Variants in PGR observed in about 807,000 individuals in gnomAD.
The protein encoded by PGR is nuclear receptor subfamily 3 group C member 3.
Under a neutral mutation model 76.1 loss-of-function variants are expected in PGR, and 25 were observed. The ratio of observed to expected loss-of-function variants is 0.33; its 90% CI spans 0.24 to 0.46. PGR has a LOEUF of 0.46. Ranked by LOEUF, PGR falls within the 20% of genes least tolerant of loss-of-function variation. The pLI is 1.00. For missense variants in PGR, 1,172 were observed against 1,225.3 expected, an observed-to-expected ratio of 0.96 and a Z score of 0.65; for synonymous variants, 579 against 535.0, an observed-to-expected ratio of 1.08 and a Z score of -1.14.
Position 101,128,246 on chromosome 11 carries a change from G to A in PGR, c.825C>T (p.Phe275=), listed in dbSNP as rs761872690. ...VALVPKEDSR[F]SAPRVALVEQ... The stretch of plus-strand genomic sequence containing the variant: ...CCACCAGGGCGACCCTGGGCGCTGA[G>A]AAGCGGGAATCTTCCTTGGGGACCA... The change falls in exon 1 of 8, where the codon TTC becomes TTT. Residue 275 remains phenylalanine, a synonymous_variant. Transcript: ENST00000325455. 16 of 1,595,784 alleles carry A rather than the reference G, an allele frequency of 1.0e-5. No homozygotes were observed. In the South Asian group the frequency reaches 1.2e-4, roughly 12 times the overall value.
In PGR at chr11:101,032,849, C is replaced by T. The variant is rs1318999549; in HGVS notation, c.*6267G>A. The T allele has an allele frequency of 1.1e-5, 2 of 187,840 alleles. No individual in the cohort carries two copies. 11.6% of individuals were successfully genotyped at this position (187,840 alleles called of 1,614,324 possible). On this transcript the variant is annotated 3_prime_UTR_variant, in exon 8 of 8. Coordinates refer to ENST00000325455, the MANE Select transcript of PGR (RefSeq NM_000926.4). ...AGAAGACGGGAACACTGGTAATCTC[C>T]ACAATCTAGCAGAGTGACTGGCATA...
In PGR at chr11:101,127,634, G is replaced by A; in HGVS notation, c.1437C>T (p.Pro479=). 7.2e-7 allele frequency: 1 copy of A among 1,387,994 alleles called. No homozygotes were observed. Among genetic ancestry groups the A allele is most frequent in the East Asian group, 3.0e-5 (1 of 33,290 alleles). The allele number at this position is 1,387,994 out of a possible 1,614,324, so 86.0% of individuals were successfully genotyped here. ...AGCCGCTCGCGCCCGGCGCCTTGCA[G>A]GGCGGCGGCGCGAACGGGCCCTGCT... ...PPQQGPFAPP[P]CKAPGASGCL... is the part of the protein sequence containing the mutation. The change falls in exon 1 of 8, where the codon CCC becomes CCT. Residue 479 remains proline, a synonymous_variant. Transcript: ENST00000325455.
chr11:101,061,383 G>T (rs144320761), intron 4 of PGR, among the ~76,000 whole-genome samples: 14 of 152,090 alleles, frequency 9.2e-5, no homozygotes, highest in African/African-American at 3.4e-4. Context: ...TGTATTTTTT[G>T]AAAGATTCAA....
intron 3 of PGR, among the ~76,000 whole-genome samples, chr11:101,075,043 TG>T (rs1861074578): frequency 6.6e-6 from 1 of 152,174 alleles, no homozygotes; most frequent in Non-Finnish European, 1.5e-5. Flanking sequence ...AGAACAAAGC[TG>T]GAGGCATCAG....
intron 3 of PGR, chr11:101,063,787 A>C (rs1340083702): frequency 6.6e-6 from 1 of 152,228 alleles, no homozygotes; most frequent in African/African-American, 2.4e-5. Context: ...CAGAATTATG[A>C]GACCATCCGT....
chr11:101,128,223 A>T lies in PGR; in HGVS notation c.848T>A (p.Val283Glu). The part of the protein sequence containing the change: ...SRFSAPRVAL[V>E]EQDAPMAPGR... The stretch of plus-strand genomic sequence containing the variant: ...GGGCGCCATCGGCGCGTCCTGCTCC[A>T]CCAGGGCGACCCTGGGCGCTGAGAA... The change falls in exon 1 of 8, where the codon GTG becomes GAG. Residue 283 changes from valine (V) to glutamate (E), a missense_variant. By Grantham distance (121) the Val-to-Glu change is moderately radical. Transcript: ENST00000325455. The T allele has an allele frequency of 9.4e-6, 15 of 1,597,576 alleles. No individual in the cohort carries two copies. Among genetic ancestry groups the T allele is most frequent in the Non-Finnish European group, 1.3e-5 (15 of 1,179,020 alleles).
At chr11:101,060,110 C>T (rs1860438388) in intron 4 of PGR, among the ~76,000 whole-genome samples, 1 of 151,966 alleles carries the variant, frequency 6.6e-6, no homozygotes, top group Non-Finnish European at 1.5e-5. Flanking sequence ...ATACAGTTTC[C>T]TATTGTGAAA....
chr11:101,035,285 C>T lies in PGR; in HGVS notation c.*3831G>A, dbSNP rs1859470889. The T allele has an allele frequency of 4.4e-6, 1 of 228,406 alleles. No homozygotes were observed. Among genetic ancestry groups the T allele is most frequent in the East Asian group, 6.3e-5 (1 of 15,930 alleles). The allele number at this position is 228,406 out of a possible 1,614,324, so 14.1% of individuals were successfully genotyped here. On this transcript the variant is annotated 3_prime_UTR_variant, in exon 8 of 8. Transcript: ENST00000325455. The stretch of plus-strand genomic sequence containing the variant: ...TTTTGAATGCTTCTTATGCACATGG[C>T]TCTGGAGTTGTAAAAGTTTTTAAAA...
At chr11:101,120,616 T>C (rs1392511026) in intron 2 of PGR, among the ~76,000 whole-genome samples, 2 of 152,168 alleles carry the variant, frequency 1.3e-5, no homozygotes, top group Admixed American at 6.5e-5. Flanking sequence ...ACATGATGCA[T>C]AAATTATGAT....
chr11:101,105,502 T>C (rs1862126054), intron 2 of PGR, among the ~76,000 whole-genome samples: 1 of 151,550 alleles, frequency 6.6e-6, no homozygotes, highest in South Asian at 2.1e-4. Flanking sequence ...TTCCTTTTTT[T>C]TTTTTTTTTT....
rs368717275 is a variant in PGR at position 101,092,858 on chromosome 11, T to C, written c.1790-982A>G. ...TCAGCCTACTTATACTGCTGAAGCA[T>C]GACACATAATTTTAAAAGATCATGG... On this transcript the variant is annotated intron_variant, in intron 2 of 7. Transcript: ENST00000325455. Among the ~76,000 whole-genome samples, 44 of 152,310 alleles carry C rather than the reference T, an allele frequency of 2.9e-4. No homozygotes were observed. In the East Asian group the frequency reaches 3.9e-3, roughly 13 times the overall value.
intron 3 of PGR, among the ~76,000 whole-genome samples, chr11:101,066,658 T>A (rs1371204040): frequency 6.6e-6 from 1 of 152,224 alleles, no homozygotes; most frequent in Non-Finnish European, 1.5e-5. Context: ...AGCAGAACTT[T>A]GATGCATTGG....
chr11:101,051,324 T>C, intron 5 of PGR, 100 bp downstream of exon 5: 1 of 809,940 alleles, frequency 1.2e-6, no homozygotes, highest in Non-Finnish European at 2.1e-6. Flanking sequence ...TGTCATCATA[T>C]CAAGAACACT....
intron 5 of PGR, among the ~76,000 whole-genome samples, chr11:101,050,505 A>G (rs914645372): frequency 6.6e-6 from 1 of 152,138 alleles, no homozygotes; most frequent in Admixed American, 6.6e-5. Context: ...AAAGCTTACC[A>G]TATTTTAAAC....
Position 101,119,235 on chromosome 11 carries a change from T to C in PGR, c.1789+6772A>G, listed in dbSNP as rs555430261. Among the ~76,000 whole-genome samples the C allele has an allele frequency of 5.9e-5, 9 of 152,324 alleles. No individual in the cohort carries two copies. The South Asian group carries it at 1.5e-3, about 25-fold the overall frequency. ...CAGGCCATGGGCCCGCACCGGACCATGGACTGGCTGTGGTACCAGTCCACA... is the reference window on the plus strand; with the variant it reads ...CAGGCCATGGGCCCGCACCGGACCACGGACTGGCTGTGGTACCAGTCCACA... On this transcript the variant is annotated intron_variant, in intron 2 of 7. Coordinates refer to ENST00000325455, the MANE Select transcript of PGR (RefSeq NM_000926.4).
rs1472206463 is a variant in PGR, at chr11:101,126,114, G to A, written c.1682C>T (p.Ser561Leu). 3.7e-6 allele frequency: 6 copies of A among 1,614,040 alleles called. No homozygotes were observed. Among genetic ancestry groups the A allele is most frequent in the Non-Finnish European group, 5.1e-6 (6 of 1,179,908 alleles). Residue 561 changes from serine (S) to leucine (L), a missense_variant, in exon 2 of 8, where the codon TCA becomes TTA. Coordinates refer to ENST00000325455, the MANE Select transcript of PGR (RefSeq NM_000926.4). ...ASQSPQYSFE[S>L]LPQKICLICG... ...GATTAAACAAATCTTCTGAGGTAATGACTCGAAGCTGTATTGTGGGCTCTG... is the reference window on the plus strand; with the variant it reads ...GATTAAACAAATCTTCTGAGGTAATAACTCGAAGCTGTATTGTGGGCTCTG...
chr11:101,067,176 A>G (rs1406569799), intron 3 of PGR, among the ~76,000 whole-genome samples: 1 of 152,134 alleles, frequency 6.6e-6, no homozygotes, highest in East Asian at 1.9e-4. Flanking sequence ...TCTGCATGAA[A>G]TGATTTTTTC....
chr11:101,078,833 C>G (rs1049414239), intron 3 of PGR, among the ~76,000 whole-genome samples: 3 of 152,092 alleles, frequency 2.0e-5, no homozygotes, highest in Non-Finnish European at 4.4e-5. Flanking sequence ...TAAAAGCTTT[C>G]TAATATTCTC....
In PGR at chr11:101,035,799, C is replaced by T. The variant is rs1178848442; in HGVS notation, c.*3317G>A. On this transcript the variant is annotated 3_prime_UTR_variant, in exon 8 of 8. Transcript: ENST00000325455. ...CAGCCCTAATTTCAAATGAATTCAA[C>T]CAAATATATCATAGCACATGGTGAC... is the stretch of plus-strand genomic sequence containing the variant. The T allele has an allele frequency of 8.7e-6, 2 of 231,082 alleles. No individual in the cohort carries two copies. The highest frequency in any genetic ancestry group is 4.4e-5 in the African/African-American group (2 of 45,180). 14.3% of individuals were successfully genotyped at this position (231,082 alleles called of 1,614,324 possible).
Sources: allele counts gnomAD v4.1 joint callset (sites outside exome capture counted in the v4.1 genomes callset), GRCh38; gene constraint gnomAD v4.1.1; transcripts MANE v1.5; gene names NCBI Gene and HGNC (gene_info 2026-07-23, HGNC 2026-07-21).